PRR27: variants seen among roughly 807,000 people sequenced by gnomAD.
PRR27 encodes the protein proline-rich protein 27.
In PRR27, 12 loss-of-function variants were observed where a neutral mutation model predicts 16.8. The observed-to-expected ratio is 0.71, with a 90% CI of 0.46 to 1.16. PRR27 has a LOEUF of 1.16. Ranked by LOEUF, PRR27 falls within the 50% of genes most tolerant of loss-of-function variation. The probability of loss-of-function intolerance (pLI) is 0.00; values close to 1 mark genes in which losing one functional copy is unlikely to be tolerated. For synonymous variants in PRR27, 100 were observed against 98.4 expected, an observed-to-expected ratio of 1.02 and a Z score of -0.10; for missense variants, 277 against 273.3, an observed-to-expected ratio of 1.01 and a Z score of -0.10.
At chr4:70,157,122 A>G (rs1728501180) in intron 2 of PRR27, among the ~76,000 whole-genome samples, 1 of 152,142 alleles carries the variant, frequency 6.6e-6, no homozygotes, top group African/African-American at 2.4e-5. Context: ...GTCATACCTC[A>G]GGGGGCTCTG....
chr4:70,158,941 GA>G (rs1728567705), intron 3 of PRR27, 41 bp downstream of exon 3: 4 of 1,362,660 alleles, frequency 2.9e-6, no homozygotes, highest in Non-Finnish European at 4.0e-6. Flanking sequence ...TATGAGAAAT[GA>G]GATTTGTAGA....
chr4:70,163,070 T>C lies in PRR27; in HGVS notation c.*409T>C, dbSNP rs2109795658. ...TTGTCACAAAACAGTAAAACATCTG[T>C]GTTTAACCTATGGTAAACAACATGT... On this transcript the variant is annotated 3_prime_UTR_variant, in exon 5 of 5. Coordinates refer to ENST00000344526, the MANE Select transcript of PRR27 (RefSeq NM_214711.4). 1 of 152,338 alleles carries C rather than the reference T, an allele frequency of 6.6e-6. No homozygotes were observed. The highest frequency in any genetic ancestry group is 2.1e-4 in the South Asian group (1 of 4,830). 9.4% of individuals were successfully genotyped at this position (152,338 alleles called of 1,614,324 possible). A position where few individuals can be genotyped will look rare whatever the true frequency, so the allele number is the denominator to read the frequency against.
Position 70,158,568 on chromosome 4 carries a change from C to G in PRR27, c.316C>G (p.Pro106Ala), listed in dbSNP as rs760390870. The change falls in exon 3 of 5, where the codon CCT (proline) becomes GCT (alanine). Residue 106 changes from proline to alanine, a missense_variant. By Grantham distance (27) the Pro-to-Ala change is conservative (BLOSUM62 -1). Transcript: ENST00000344526. ...ATQLNVPPLP[P>A]RGFPFVPPSR... ...TCAGTTGAATGTTCCTCCTCTCCCTCCTAGGGGTTTCCCGTTTGTCCCTCC... is the reference window on the plus strand; with the variant it reads ...TCAGTTGAATGTTCCTCCTCTCCCTGCTAGGGGTTTCCCGTTTGTCCCTCC... 3 of 1,614,136 alleles carry G rather than the reference C, an allele frequency of 1.9e-6. No individual in the cohort carries two copies. Among genetic ancestry groups the G allele is most frequent in the Non-Finnish European group, 2.5e-6 (3 of 1,180,026 alleles).
intron 4 of PRR27, among the ~76,000 whole-genome samples, chr4:70,162,112 G>A: frequency 6.6e-6 from 1 of 152,124 alleles, no homozygotes; most frequent in East Asian, 1.9e-4. Context: ...CAAACAAACA[G>A]CTCAACTGGA....
At chr4:70,155,702 C>T (rs1167166510) in intron 1 of PRR27, among the ~76,000 whole-genome samples, 1 of 151,886 alleles carries the variant, frequency 6.6e-6, no homozygotes, top group African/African-American at 2.4e-5. Flanking sequence ...TGCACACACA[C>T]ACACACACAC....
chr4:70,158,238 T>C (rs1728535625), intron 2 of PRR27, 90 bp from the exon 3 acceptor site: 2 of 813,298 alleles, frequency 2.5e-6, no homozygotes, highest in African/African-American at 1.7e-5. Context: ...CAAAATATCA[T>C]TACTTATCAT....
intron 2 of PRR27, among the ~76,000 whole-genome samples, chr4:70,157,183 T>G (rs1372919046): frequency 1.3e-5 from 2 of 152,032 alleles, no homozygotes; most frequent in Non-Finnish European, 2.9e-5. Context: ...GAAACTTACC[T>G]AAAATTGGAA....
In PRR27 at chr4:70,165,981, T is replaced by C. The variant is rs529515078; in HGVS notation, c.*3320T>C. 1.3e-5 allele frequency: 2 copies of C among 152,222 alleles called. No individual in the cohort carries two copies. The highest frequency in any genetic ancestry group is 2.1e-4 in the South Asian group (1 of 4,830). The allele number at this position is 152,222 out of a possible 1,614,324, so 9.4% of individuals were successfully genotyped here. On this transcript the variant is annotated 3_prime_UTR_variant, in exon 5 of 5. Coordinates refer to ENST00000344526, the MANE Select transcript of PRR27 (RefSeq NM_214711.4). ...GTATAAGTTTGTGTGTATAATTCCCTGGCTTTTTTCTAAAATTTTAGTATG... is the reference window on the plus strand; with the variant it reads ...GTATAAGTTTGTGTGTATAATTCCCCGGCTTTTTTCTAAAATTTTAGTATG...
chr4:70,155,873 T>G (rs1728464105), intron 1 of PRR27, among the ~76,000 whole-genome samples, 181 bp from the exon 2 acceptor site: 1 of 152,030 alleles, frequency 6.6e-6, no homozygotes, highest in African/African-American at 2.4e-5. Flanking sequence ...ATTGTTTAGG[T>G]CAAAACCATG....
At chr4:70,155,951 A>G (rs1415800821) in intron 1 of PRR27, 103 bp from the exon 2 acceptor site, 14 of 685,208 alleles carry the variant, frequency 2.0e-5, no homozygotes, top group East Asian at 1.9e-4. Context: ...AAAATTAACC[A>G]TAAGTATTAT....
In PRR27 at chr4:70,156,942, C is replaced by T. The variant is rs181555211; in HGVS notation, c.75+865C>T. ...TTTTAGGGTACATGTGCACAACGTG[C>T]AGGTTTGTTACATATGTATACATGT... On this transcript the variant is annotated intron_variant, in intron 2 of 4. Coordinates refer to ENST00000344526, the MANE Select transcript of PRR27 (RefSeq NM_214711.4). 4.5e-3 allele frequency among the ~76,000 whole-genome samples: 688 copies of T among 152,054 alleles called. 6 individuals are homozygous for T. The highest frequency in any genetic ancestry group is 0.016 in the African/African-American group (652 of 41,480).
chr4:70,160,417 CT>C (rs1226030773), intron 3 of PRR27, among the ~76,000 whole-genome samples: 18 of 58,584 alleles, frequency 3.1e-4, no homozygotes, highest in Admixed American at 7.7e-4. Flanking sequence ...CTTTCTCTCT[CT>C]CTCTCTCTCT....
At position 70,158,615 on chromosome 4, in the gene PRR27, T is replaced by C. The variant is rs1020972160; in HGVS notation, c.363T>C (p.Ala121=). The stretch of plus-strand genomic sequence containing the variant: ...CTCCTTCAAGGTTTTTTTCAGCAGC[T>C]GCAGCACCCGCTGCCCCACCTATTG... ...FVPPSRFFSA[A]AAPAAPPIAA... The change falls in exon 3 of 5, where the codon GCT becomes GCC. Residue 121 remains alanine (A), a synonymous_variant. Coordinates refer to ENST00000344526, the MANE Select transcript of PRR27 (RefSeq NM_214711.4). 4 of 1,614,136 alleles carry C rather than the reference T, an allele frequency of 2.5e-6. No individual in the cohort carries two copies. The highest frequency in any genetic ancestry group is 3.4e-6 in the Non-Finnish European group (4 of 1,180,012).
In PRR27 at chr4:70,164,703, G is replaced by A. The variant is rs1008521318; in HGVS notation, c.*2042G>A. On this transcript the variant is annotated 3_prime_UTR_variant, in exon 5 of 5. Coordinates refer to ENST00000344526, the MANE Select transcript of PRR27 (RefSeq NM_214711.4). ...TTGTGTGAATTGAAGACTTAAAGAA[G>A]AATTTGTAAATATGACTGTATAAGA... The A allele has an allele frequency of 2.6e-5, 4 of 152,024 alleles. No homozygotes were observed. Among genetic ancestry groups the A allele is most frequent in the African/African-American group, 9.7e-5 (4 of 41,398 alleles). 9.4% of individuals were successfully genotyped at this position (152,024 alleles called of 1,614,324 possible). A position where few individuals can be genotyped will look rare whatever the true frequency, so the allele number is the denominator to read the frequency against.
chr4:70,159,251 T>C (rs1158287159), intron 3 of PRR27, among the ~76,000 whole-genome samples: 1 of 152,216 alleles, frequency 6.6e-6, no homozygotes, highest in Non-Finnish European at 1.5e-5. Flanking sequence ...GTAAGTGGAA[T>C]AATATTGTAT....
Position 70,163,044 on chromosome 4 carries a change from T to C in PRR27, c.*383T>C, listed in dbSNP as rs1205418615. ...AACATATTTTGTAGTCAATGAACTT[T>C]TTGTCACAAAACAGTAAAACATCTG... On this transcript the variant is annotated 3_prime_UTR_variant, in exon 5 of 5. Coordinates refer to ENST00000344526, the MANE Select transcript of PRR27 (RefSeq NM_214711.4). 1 of 152,156 alleles carries C rather than the reference T, an allele frequency of 6.6e-6. No individual in the cohort carries two copies. Among genetic ancestry groups the C allele is most frequent in the Non-Finnish European group, 1.5e-5 (1 of 68,028 alleles). 9.4% of individuals were successfully genotyped at this position (152,156 alleles called of 1,614,324 possible). A position where few individuals can be genotyped will look rare whatever the true frequency, so the allele number is the denominator to read the frequency against.
chr4:70,155,615 C>T (rs1728458232), intron 1 of PRR27, among the ~76,000 whole-genome samples: 1 of 152,058 alleles, frequency 6.6e-6, no homozygotes, highest in Non-Finnish European at 1.5e-5. Context: ...TGATCCGCCC[C>T]CTCGGCCTCC....
intron 1 of PRR27, among the ~76,000 whole-genome samples, chr4:70,155,260 T>C: frequency 6.6e-6 from 1 of 152,146 alleles, no homozygotes; most frequent in East Asian, 1.9e-4. Flanking sequence ...TAATCTGTGG[T>C]CAATTCACAA....
chr4:70,157,735 G>A (rs1413020454), intron 2 of PRR27, among the ~76,000 whole-genome samples: 6 of 152,024 alleles, frequency 3.9e-5, no homozygotes, highest in East Asian at 1.9e-4. Context: ...TGGCCAGGAC[G>A]GTCTCGATCT....
Sources: allele counts gnomAD v4.1 joint callset (sites outside exome capture counted in the v4.1 genomes callset), GRCh38; gene constraint gnomAD v4.1.1; transcripts MANE v1.5; gene names NCBI Gene and HGNC (gene_info 2026-07-23, HGNC 2026-07-21).